TBX20: variants seen among roughly 807,000 people sequenced by gnomAD.
TBX20 encodes T-box transcription factor TBX20.
In TBX20, 8 loss-of-function variants were observed where a neutral mutation model predicts 42.9. The ratio of observed to expected loss-of-function variants is 0.19; its 90% CI spans 0.11 to 0.34. TBX20 has a LOEUF of 0.34. Ranked by LOEUF, TBX20 falls within the 10% of genes least tolerant of loss-of-function variation. The probability of loss-of-function intolerance (pLI) is 1.00; values close to 1 mark genes in which losing one functional copy is unlikely to be tolerated. For synonymous variants in TBX20, 198 were observed against 222.8 expected, an observed-to-expected ratio of 0.89 and a Z score of 0.99; for missense variants, 411 against 566.0, an observed-to-expected ratio of 0.73 and a Z score of 2.78.
chr7:35,209,782 G>A (rs1369849585), intron 6 of TBX20, among the ~76,000 whole-genome samples: 2 of 152,158 alleles, frequency 1.3e-5, no homozygotes, highest in Non-Finnish European at 2.9e-5. Context: ...CTAAAGCAGA[G>A]ATGTAGCACT....
chr7:35,224,175 G>A (rs925101143), intron 6 of TBX20, among the ~76,000 whole-genome samples: 3 of 152,072 alleles, frequency 2.0e-5, no homozygotes, highest in African/African-American at 7.2e-5. Flanking sequence ...TCAGGTAAAT[G>A]ATCATTTCTT....
intron 3 of TBX20, among the ~76,000 whole-genome samples, chr7:35,245,950 A>G (rs6976630): frequency 0.36 from 55,457 of 152,062 alleles, 10,464 homozygotes; most frequent in Admixed American, 0.46. Context: ...TCCTTGATTT[A>G]ATAGGACAAA....
chr7:35,240,560 G>A (rs1274721402), intron 5 of TBX20, among the ~76,000 whole-genome samples: 13 of 152,114 alleles, frequency 8.5e-5, no homozygotes, highest in Non-Finnish European at 1.9e-4. Context: ...ACAAGAACAT[G>A]GTTATACATG....
chr7:35,243,482 G>T (rs770924181), intron 4 of TBX20, among the ~76,000 whole-genome samples: 7 of 152,034 alleles, frequency 4.6e-5, no homozygotes, highest in Non-Finnish European at 5.9e-5. Context: ...TGACTCTGAA[G>T]TCTTTTTGGA....
At chr7:35,244,316 ATTTTTC>A (rs1369316612) in intron 4 of TBX20, among the ~76,000 whole-genome samples, 2 of 152,142 alleles carry the variant, frequency 1.3e-5, no homozygotes, top group Non-Finnish European at 2.9e-5. Context: ...CACAGAGTTA[ATTTTTC>A]TTTTTTCCAC....
chr7:35,218,249 C>G (rs1789623312), intron 6 of TBX20, among the ~76,000 whole-genome samples: 1 of 152,106 alleles, frequency 6.6e-6, no homozygotes, highest in African/African-American at 2.4e-5. Flanking sequence ...TGAAGATTTA[C>G]TATGGTTTTA....
chr7:35,211,333 C>A (rs1277213500), intron 6 of TBX20, among the ~76,000 whole-genome samples: 9 of 152,018 alleles, frequency 5.9e-5, no homozygotes, highest in African/African-American at 2.2e-4. Context: ...GCTCTTCATG[C>A]CTTTGTTTAC....
chr7:35,229,126 C>A (rs1334330523), intron 6 of TBX20, among the ~76,000 whole-genome samples: 1 of 152,134 alleles, frequency 6.6e-6, no homozygotes, highest in African/African-American at 2.4e-5. Context: ...AAATCTGAAA[C>A]AGGAAACTTG....
Position 35,248,776 on chromosome 7 carries a change from A to G in TBX20, c.446T>C (p.Leu149Pro). The G allele has an allele frequency of 6.2e-7, 1 of 1,614,172 alleles. No individual in the cohort carries two copies. ...GTTGTCCACAGGGACGATGTCCATC[A>G]GGACTATGTACTTGGCCTCAGGATC... ...GVDPEAKYIV[L>P]MDIVPVDNKR... Residue 149 changes from leucine to proline, a missense_variant, in exon 3 of 8, where the codon CTG (leucine) becomes CCG (proline). Leu to Pro is a moderately conservative substitution (Grantham distance 98, BLOSUM62 -3). Coordinates refer to ENST00000408931, the MANE Select transcript of TBX20 (RefSeq NM_001077653.2).
At chr7:35,238,265 GC>G (rs1005138895) in intron 5 of TBX20, among the ~76,000 whole-genome samples, 1 of 152,056 alleles carries the variant, frequency 6.6e-6, no homozygotes, top group African/African-American at 2.4e-5. Context: ...GAGAGGTCCC[GC>G]CAACACTTAC....
intron 6 of TBX20, among the ~76,000 whole-genome samples, chr7:35,221,963 G>C (rs1241309940): frequency 6.6e-6 from 1 of 152,148 alleles, no homozygotes; most frequent in Non-Finnish European, 1.5e-5. Context: ...GCTGAGGGAG[G>C]AGTAGTATCC....
intron 4 of TBX20, 51 bp from the exon 5 acceptor site, chr7:35,241,088 A>G: frequency 1.3e-6 from 2 of 1,552,994 alleles, no homozygotes; most frequent in South Asian, 1.1e-5. Context: ...ATACTGCTAA[A>G]CAGGCCAAAT....
At chr7:35,230,042 C>T (rs2908050) in intron 6 of TBX20, among the ~76,000 whole-genome samples, 9 of 151,974 alleles carry the variant, frequency 5.9e-5, no homozygotes, top group Non-Finnish European at 1.2e-4. Flanking sequence ...ACAGAAAATA[C>T]GACACACACT....
chr7:35,227,254 AG>A (rs1285937235), intron 6 of TBX20, among the ~76,000 whole-genome samples: 2 of 152,186 alleles, frequency 1.3e-5, no homozygotes, highest in Non-Finnish European at 2.9e-5. Context: ...TAATAAGCTA[AG>A]GTTAATTTAT....
intron 3 of TBX20, among the ~76,000 whole-genome samples, chr7:35,245,582 C>T (rs1291248825): frequency 6.6e-6 from 1 of 152,124 alleles, no homozygotes. Flanking sequence ...TAAGATGGAG[C>T]AATTTTAATA....
At chr7:35,217,794 C>T (rs1789615052) in intron 6 of TBX20, among the ~76,000 whole-genome samples, 1 of 151,990 alleles carries the variant, frequency 6.6e-6, no homozygotes, top group African/African-American at 2.4e-5. Context: ...GATCTTGGCT[C>T]ACTGCAACCA....
chr7:35,231,496 C>G lies in TBX20; in HGVS notation c.890+8G>C, dbSNP rs749602961. On this transcript the variant is annotated splice_region_variant and intron_variant, in intron 6 of 7. Coordinates refer to ENST00000408931, the MANE Select transcript of TBX20 (RefSeq NM_001077653.2). The stretch of plus-strand genomic sequence containing the variant: ...TGAACAAGAAAGTAAACAGAAAATT[C>G]TCATTACCTCTCAATGTCAGTGAGC... 2 of 1,607,500 alleles carry G rather than the reference C, an allele frequency of 1.2e-6. No individual in the cohort carries two copies. The highest frequency in any genetic ancestry group is 1.7e-6 in the Non-Finnish European group (2 of 1,174,068).
chr7:35,252,351 G>T (rs1460532009), intron 1 of TBX20, among the ~76,000 whole-genome samples: 1 of 151,340 alleles, frequency 6.6e-6, no homozygotes, highest in Non-Finnish European at 1.5e-5. Context: ...GGAAGAACCA[G>T]GGGAAGGGGG....
chr7:35,209,762 C>G (rs1225246775), intron 6 of TBX20, among the ~76,000 whole-genome samples: 1 of 152,094 alleles, frequency 6.6e-6, no homozygotes, highest in Non-Finnish European at 1.5e-5. Flanking sequence ...TGATTTGGGA[C>G]CTTTCATTTC....
Sources: gnomAD v4.1 joint callset for allele counts (sites outside exome capture counted in the v4.1 genomes callset) on GRCh38, gnomAD v4.1.1 for gene constraint, MANE v1.5 for transcripts, NCBI Gene and HGNC (gene_info 2026-07-23, HGNC 2026-07-21) for gene names.